Variants in RBCK1 observed in about 807,000 individuals in gnomAD.
RBCK1 encodes the protein ranBP-type and C3HC4-type zinc finger-containing protein 1.
RBCK1 carries 44 observed loss-of-function variants against 71.1 expected under a neutral mutation model. The observed-to-expected ratio is 0.62, with a 90% CI of 0.49 to 0.80. RBCK1 has a LOEUF of 0.80. Among genes scored for constraint, RBCK1 ranks in the 30% least tolerant of loss-of-function variants. RBCK1 has a pLI of 0.00. For missense variants in RBCK1, 569 were observed against 685.0 expected (o/e 0.83, Z 1.89); for synonymous variants, 306 against 279.7 (o/e 1.09, Z -0.94).
At chr20:419,497 T>C (rs1392113727) in intron 5 of RBCK1, 29 bp downstream of exon 5, 1 of 1,603,870 alleles carries the variant, frequency 6.2e-7, no homozygotes. Flanking sequence ...CAGTATCCTC[T>C]TCTGTGCCCC....
rs1694392792 is a variant in RBCK1, at chr20:422,369, C to T, written c.1029+131C>T. 1.4e-6 allele frequency: 1 copy of T among 731,354 alleles called. No individual in the cohort carries two copies. The highest frequency in any genetic ancestry group is 2.3e-5 in the Admixed American group (1 of 43,204). The allele number at this position is 731,354 out of a possible 1,614,324, so 45.3% of individuals were successfully genotyped here. On this transcript the variant is annotated intron_variant, in intron 8 of 11. Coordinates refer to ENST00000356286, the MANE Select transcript of RBCK1 (RefSeq NM_031229.4). This position sits in a 1 kb window ranked among gnomAD's most constrained non-coding sequence, Gnocchi z 5.0. ...ATGGGGTCTCACTATGTTGTCCAAG[C>T]TGGTCTCAAACTCCTGGGCTTAAGC...
At chr20:421,377 C>T (rs1457235326) in intron 7 of RBCK1, among the ~76,000 whole-genome samples, 2 of 152,168 alleles carry the variant, frequency 1.3e-5, no homozygotes, top group East Asian at 1.9e-4. Flanking sequence ...TGTCATGGCC[C>T]CCCCACCCCT....
intron 5 of RBCK1, 43 bp from the exon 6 acceptor site, chr20:419,515 C>A (rs923059078): frequency 6.2e-7 from 1 of 1,603,998 alleles, no homozygotes; most frequent in Non-Finnish European, 8.5e-7. Context: ...CCCTCCCTTG[C>A]CTCACCCTGC....
At chr20:420,441 G>A in intron 6 of RBCK1, 2 of 978,076 alleles carry the variant, frequency 2.0e-6, no homozygotes, top group Non-Finnish European at 2.4e-6. Flanking sequence ...CCTCGGCTTC[G>A]TCACTTCCCC....
In RBCK1 at chr20:415,888, G is replaced by T. The variant is rs143500235; in HGVS notation, c.168-1638G>T. ...AGGGAGCAAGAGAGAGAGTTGGTGG[G>T]GAGGTGCCACACTTTACAACAGCCA... On this transcript the variant is annotated intron_variant, in intron 2 of 11. Transcript: ENST00000356286. Among the ~76,000 whole-genome samples, 618 of 152,266 alleles carry T rather than the reference G, an allele frequency of 4.1e-3. 5 individuals are homozygous for T. Among genetic ancestry groups the T allele is most frequent in the African/African-American group, 0.013 (536 of 41,556 alleles).
chr20:410,002 G>A lies in RBCK1; in HGVS notation c.144G>A (p.Glu48=), dbSNP rs41281892. The part of the protein sequence containing the change: ...RVPLSVQLKP[E]VSPTQDIRLW... ...CCCTGAGTGTGCAACTGAAGCCTGA[G>A]GTCTCCCCAACGCAGGACATCAGGT... Residue 48 remains glutamate, a synonymous_variant, in exon 2 of 12, where the codon GAG becomes GAA. Coordinates refer to ENST00000356286, the MANE Select transcript of RBCK1 (RefSeq NM_031229.4). 0.039 allele frequency: 62,446 copies of A among 1,614,060 alleles called. 1,427 individuals carry two copies. The highest frequency in any genetic ancestry group is 0.051 in the South Asian group (4,636 of 91,074).
rs756811010 is a variant in RBCK1 at position 419,675 on chromosome 20, G to C, written c.700G>C (p.Glu234Gln). 8.2e-6 allele frequency: 13 copies of C among 1,578,872 alleles called. No individual in the cohort carries two copies. Among genetic ancestry groups the C allele is most frequent in the African/African-American group, 8.1e-5 (6 of 74,276 alleles). The part of the protein sequence containing the change: ...YQVPASYQPD[E>Q]EERARLAGEE... ...GGTCCCCGCCTCATACCAGCCCGACGAGGAGGAGCGAGCGCGCCTGGCGGG... is the reference window on the plus strand; with the variant it reads ...GGTCCCCGCCTCATACCAGCCCGACCAGGAGGAGCGAGCGCGCCTGGCGGG... Residue 234 changes from glutamate to glutamine, a missense_variant, in exon 6 of 12, where the codon GAG becomes CAG. Around this residue, in one of 2 missense-constraint regions of RBCK1, gnomAD observed 358 missense variants for 375.6 expected, o/e 0.95. Transcript: ENST00000356286.
At chr20:420,026 AG>A in intron 6 of RBCK1, 1 of 984,008 alleles carries the variant, frequency 1.0e-6, no homozygotes, top group African/African-American at 1.8e-5. Flanking sequence ...ACACCACACG[AG>A]TATGGCTGGC....
intron 6 of RBCK1, chr20:420,468 G>A (rs1173582111): frequency 1.0e-6 from 1 of 972,086 alleles, no homozygotes; most frequent in Admixed American, 6.4e-5. Context: ...GACGTTGAGT[G>A]GCTCCACCAG....
Position 428,974 on chromosome 20 carries a change from C to T in RBCK1, c.1332C>T (p.Ala444=). Residue 444 remains alanine, a synonymous_variant, in exon 11 of 12, where the codon GCC becomes GCT. Transcript: ENST00000356286. This position sits in a 1 kb window ranked among gnomAD's most constrained non-coding sequence, Gnocchi z 5.7. The stretch of plus-strand genomic sequence containing the variant: ...AGGTGATGCTGCAGCAGGGCGAGGC[C>T]ATGCGCTGCCCCCAGTGCCAGATCG... ...MLKVMLQQGE[A]MRCPQCQIVV... is the part of the protein sequence containing the mutation. The T allele has an allele frequency of 6.2e-7, 1 of 1,610,674 alleles. No individual in the cohort carries two copies. The highest frequency in any genetic ancestry group is 1.3e-5 in the African/African-American group (1 of 75,026).
chr20:417,872 C>A lies in RBCK1; in HGVS notation c.402C>A (p.Arg134=). 1.2e-6 allele frequency: 2 copies of A among 1,613,350 alleles called. No individual in the cohort carries two copies. Among genetic ancestry groups the A allele is most frequent in the African/African-American group, 1.3e-5 (1 of 75,052 alleles). Residue 134 remains arginine, a synonymous_variant, in exon 4 of 12, where the codon CGC becomes CGA. Coordinates refer to ENST00000356286, the MANE Select transcript of RBCK1 (RefSeq NM_031229.4). This position sits in a 1 kb window ranked among gnomAD's most constrained non-coding sequence, Gnocchi z 4.7. The part of the protein sequence containing the change: ...DSAYLYLLSA[R]NTSLNPQELQ... ...CCTACCTCTATCTGCTGTCAGCCCG[C>A]AACACCTCCCTCAACCCTCAGGAGC...
In RBCK1 at chr20:409,666, A is replaced by T. The variant is rs6139104; in HGVS notation, c.23-215A>T. On this transcript the variant is annotated intron_variant, in intron 1 of 11. Coordinates refer to ENST00000356286, the MANE Select transcript of RBCK1 (RefSeq NM_031229.4). The stretch of plus-strand genomic sequence containing the variant: ...ACCCTGGGAATGGGAAGGACAAACA[A>T]CCAAATGAGCCTAGTGTGAGGAGGA... Among the ~76,000 whole-genome samples the T allele has an allele frequency of 0.087, 13,193 of 152,004 alleles. 661 individuals carry two copies. Among genetic ancestry groups the T allele is most frequent in the East Asian group, 0.21 (1,073 of 5,148 alleles).
intron 2 of RBCK1, chr20:410,706 A>G (rs1483633749): frequency 3.3e-6 from 2 of 610,834 alleles, no homozygotes; most frequent in East Asian, 5.4e-5. Flanking sequence ...ATGCTGAAAC[A>G]CTTTGCACAA....
In RBCK1 at chr20:417,629, G is replaced by A; in HGVS notation, c.261+10G>A. 1 of 1,612,160 alleles carries A rather than the reference G, an allele frequency of 6.2e-7. No individual in the cohort carries two copies. The highest frequency in any genetic ancestry group is 8.5e-7 in the Non-Finnish European group (1 of 1,178,454). On this transcript the variant is annotated intron_variant, in intron 3 of 11. Transcript: ENST00000356286. This position sits in a 1 kb window ranked among gnomAD's most constrained non-coding sequence, Gnocchi z 4.7. Reference sequence around the variant, plus strand: ...GTCTCTCAAGGACATGGTGAGTGAGGAGGCGGAGGGCGACACTGGGGTGAA... The same window carrying A: ...GTCTCTCAAGGACATGGTGAGTGAGAAGGCGGAGGGCGACACTGGGGTGAA...
Position 430,766 on chromosome 20 carries a change from C to T in RBCK1, c.*336C>T, listed in dbSNP as rs200101786. ...AAACACCAAGCACTCTCAGCCTCCC[C>T]GCCTTCAGCTGTCAGCTTTCTGGGG... On this transcript the variant is annotated 3_prime_UTR_variant, in exon 12 of 12. Transcript: ENST00000356286. The surrounding 1 kb of genome is among the most constrained non-coding windows in gnomAD (Gnocchi z 5.6). The T allele has an allele frequency of 4.8e-5, 14 of 288,720 alleles. No individual in the cohort carries two copies. Among genetic ancestry groups the T allele is most frequent in the Non-Finnish European group, 7.9e-5 (12 of 151,862 alleles). The allele number at this position is 288,720 out of a possible 1,614,324, so 17.9% of individuals were successfully genotyped here.
At position 432,104 on chromosome 20, in the gene RBCK1, C is replaced by T. The variant is rs1362495314; in HGVS notation, c.*1674C>T. ...TTTTTAAATTGGCAACATCGTTTAC[C>T]ACATTAAAATCTAGATGCCCTGCTT... On this transcript the variant is annotated 3_prime_UTR_variant, in exon 12 of 12. Transcript: ENST00000356286. The surrounding 1 kb of genome is among the most constrained non-coding windows in gnomAD (Gnocchi z 4.3). Among the ~76,000 whole-genome samples the T allele has an allele frequency of 1.3e-5, 2 of 152,172 alleles. No homozygotes were observed. The highest frequency in any genetic ancestry group is 3.9e-4 in the East Asian group (2 of 5,192).
At chr20:421,256 G>A (rs2016419839) in intron 7 of RBCK1, among the ~76,000 whole-genome samples, 1 of 152,268 alleles carries the variant, frequency 6.6e-6, no homozygotes, top group Middle Eastern at 3.4e-3. Flanking sequence ...GCCTAGACGT[G>A]AGCGCAGGCG....
At chr20:413,246 T>C (rs2015806399) in intron 2 of RBCK1, among the ~76,000 whole-genome samples, 1 of 152,196 alleles carries the variant, frequency 6.6e-6, no homozygotes, top group South Asian at 2.1e-4. Context: ...TTCAATATTG[T>C]TTTGGTTATT....
intron 2 of RBCK1, chr20:410,537 C>T (rs764429530): frequency 1.3e-5 from 10 of 779,642 alleles, no homozygotes; most frequent in South Asian, 4.0e-5. Flanking sequence ...ACACTTCTTC[C>T]GTTAATTCCT....
Sources: allele counts gnomAD v4.1 joint callset (sites outside exome capture counted in the v4.1 genomes callset), GRCh38; gene constraint gnomAD v4.1.1; regional missense constraint gnomAD v4.1.1; non-coding constraint Gnocchi (gnomAD v3.1); transcripts MANE v1.5; gene names NCBI Gene and HGNC (gene_info 2026-07-23, HGNC 2026-07-21).